The following TNKS variants were observed in gnomAD, a reference collection of about 807,000 sequenced individuals.
The protein encoded by TNKS is tankyrase, also known as poly [ADP-ribose] polymerase tankyrase-1.
Under a neutral mutation model 135.8 loss-of-function variants are expected in TNKS, and 72 were observed. That is an observed-to-expected ratio of 0.53 (90% CI 0.44 to 0.64). The LOEUF is 0.64. Ranked by LOEUF, TNKS falls within the 30% of genes least tolerant of loss-of-function variation. The probability of loss-of-function intolerance (pLI) is 0.00; values close to 1 mark genes in which losing one functional copy is unlikely to be tolerated. For synonymous variants in TNKS, 849 were observed against 649.3 expected, an observed-to-expected ratio of 1.31 and a Z score of -4.68; for missense variants, 1,769 against 1,674.0, an observed-to-expected ratio of 1.06 and a Z score of -0.99.
intron 11 of TNKS, among the ~76,000 whole-genome samples, chr8:9,718,486 C>A (rs1804717626): frequency 6.6e-6 from 1 of 152,134 alleles, no homozygotes; most frequent in Non-Finnish European, 1.5e-5. Context: ...TCTTTGTGGT[C>A]TGCTTGCCGG....
intron 2 of TNKS, among the ~76,000 whole-genome samples, chr8:9,602,346 G>A (rs1799048721): frequency 6.6e-6 from 1 of 152,162 alleles, no homozygotes; most frequent in Non-Finnish European, 1.5e-5. Context: ...AAGGGCCAAA[G>A]GACTGCACTG....
intron 19 of TNKS, 79 bp from the exon 20 acceptor site, chr8:9,752,465 T>TGATTTTC: frequency 2.0e-6 from 2 of 1,005,654 alleles, no homozygotes; most frequent in Non-Finnish European, 3.0e-6. Context: ...GTTGTCAGAG[T>TGATTTTC]CATGTCTAAA....
chr8:9,655,178 A>G (rs575227473), intron 3 of TNKS, among the ~76,000 whole-genome samples: 15 of 152,320 alleles, frequency 9.8e-5, no homozygotes, highest in African/African-American at 2.9e-4. Context: ...ACTGCAAGGC[A>G]GCAGCGAGGC....
chr8:9,764,902 T>C lies in TNKS; in HGVS notation c.3447+112T>C. ...CATATTTTCAAACTGTGAAAGATAA[T>C]TCGTCACCTGTCTGAAGTCAGATAG... is the stretch of plus-strand genomic sequence containing the variant. On this transcript the variant is annotated intron_variant, in intron 23 of 26. Transcript: ENST00000310430. 7 of 757,428 alleles carry C rather than the reference T, an allele frequency of 9.2e-6. No individual in the cohort carries two copies. The South Asian group carries it at 1.8e-4, about 19-fold the overall frequency. 46.9% of individuals were successfully genotyped at this position (757,428 alleles called of 1,614,324 possible).
chr8:9,772,831 C>CTG (rs71201974), intron 26 of TNKS, among the ~76,000 whole-genome samples: 63,231 of 118,282 alleles, frequency 0.53, 15,452 homozygotes, highest in Non-Finnish European at 0.61. Flanking sequence ...GTGTGTGTGT[C>CTG]TGTGTGTGTG....
intron 5 of TNKS, among the ~76,000 whole-genome samples, chr8:9,692,337 C>T (rs1585334632): frequency 6.6e-6 from 1 of 152,162 alleles, no homozygotes; most frequent in Non-Finnish European, 1.5e-5. Flanking sequence ...ATAATGGCTT[C>T]CAGCTGCATC....
intron 5 of TNKS, among the ~76,000 whole-genome samples, chr8:9,699,983 A>C (rs1730490739): frequency 6.6e-6 from 1 of 152,140 alleles, no homozygotes; most frequent in Non-Finnish European, 1.5e-5. Context: ...TTCTTCACAC[A>C]ACCTGGAATA....
chr8:9,603,113 C>T lies in TNKS; in HGVS notation c.899-12469C>T, dbSNP rs186026447. Among the ~76,000 whole-genome samples, 632 of 151,944 alleles carry T rather than the reference C, an allele frequency of 4.2e-3. 3 individuals are homozygous for T. The highest frequency in any genetic ancestry group is 0.017 in the Middle Eastern group (5 of 292). The stretch of plus-strand genomic sequence containing the variant: ...TATCGCCCAGGCTGGAGTACAGTGG[C>T]GCGATCTTGGCTCACTGCAACCTCC... On this transcript the variant is annotated intron_variant, in intron 2 of 26. Transcript: ENST00000310430.
intron 3 of TNKS, among the ~76,000 whole-genome samples, chr8:9,670,395 C>T (rs1802222458): frequency 6.6e-6 from 1 of 152,116 alleles, no homozygotes; most frequent in Non-Finnish European, 1.5e-5. Flanking sequence ...AACCATTCGC[C>T]TGTATGTAGA....
chr8:9,603,254 T>C (rs1055658696), intron 2 of TNKS, among the ~76,000 whole-genome samples: 1 of 152,122 alleles, frequency 6.6e-6, no homozygotes, highest in Non-Finnish European at 1.5e-5. Context: ...GTTTTCACCA[T>C]GTTGACCAGG....
chr8:9,645,627 G>A (rs918021826), intron 3 of TNKS, among the ~76,000 whole-genome samples: 1 of 152,084 alleles, frequency 6.6e-6, no homozygotes, highest in African/African-American at 2.4e-5. Flanking sequence ...CTTAATCTAG[G>A]TAGAGGGGAA....
intron 2 of TNKS, among the ~76,000 whole-genome samples, chr8:9,600,186 C>T (rs978101025): frequency 1.3e-5 from 2 of 152,146 alleles, no homozygotes; most frequent in Non-Finnish European, 2.9e-5. Flanking sequence ...GGTATTCTAG[C>T]CTGTGCAGTT....
chr8:9,735,334 C>T (rs1585394419), intron 16 of TNKS, 43 bp from the exon 17 acceptor site: 2 of 1,564,704 alleles, frequency 1.3e-6, no homozygotes, highest in South Asian at 1.1e-5. Context: ...ATTTTTTTTC[C>T]TTTAAGCTGA....
At position 9,580,191 on chromosome 8, in the gene TNKS, C is replaced by T. The variant is rs201885608; in HGVS notation, c.706C>T (p.Leu236=). 3.1e-6 allele frequency: 5 copies of T among 1,614,112 alleles called. No individual in the cohort carries two copies. The highest frequency in any genetic ancestry group is 1.6e-4 in the Middle Eastern group (1 of 6,062). ...AAGGAAGGATGTTGTAGAACACTTA[C>T]TACAGATGGGTGCTAATGTCCACGC... ...FGRKDVVEHL[L]QMGANVHARD... Residue 236 remains leucine, a synonymous_variant, in exon 2 of 27, where the codon CTA becomes TTA. Transcript: ENST00000310430.
intron 2 of TNKS, among the ~76,000 whole-genome samples, chr8:9,614,289 C>T (rs967766629): frequency 5.3e-5 from 8 of 152,190 alleles, no homozygotes; most frequent in Admixed American, 2.6e-4. Flanking sequence ...CAATAATGTT[C>T]ATTGTTTGCA....
chr8:9,702,101 C>T (rs1037539177), intron 5 of TNKS, among the ~76,000 whole-genome samples: 2 of 152,186 alleles, frequency 1.3e-5, no homozygotes, highest in African/African-American at 2.4e-5. Flanking sequence ...GCCCTGCCTA[C>T]CAAAGCCTAG....
chr8:9,681,073 A>G (rs981086006), intron 5 of TNKS: 6 of 287,948 alleles, frequency 2.1e-5, no homozygotes, highest in Non-Finnish European at 3.2e-5. Context: ...GATTAAAATT[A>G]CAGCATATGC....
At chr8:9,624,657 T>A (rs1443584958) in intron 3 of TNKS, among the ~76,000 whole-genome samples, 3 of 152,216 alleles carry the variant, frequency 2.0e-5, no homozygotes, top group African/African-American at 2.4e-5. Flanking sequence ...CTAGTTTTTT[T>A]AATTAGGGTA....
intron 12 of TNKS, among the ~76,000 whole-genome samples, chr8:9,721,694 T>G (rs1021511341): frequency 6.6e-6 from 1 of 152,154 alleles, no homozygotes; most frequent in Non-Finnish European, 1.5e-5. Context: ...TTATGACATT[T>G]CAGAAGTGAA....
Sources: gnomAD v4.1 joint callset for allele counts (sites outside exome capture counted in the v4.1 genomes callset) on GRCh38, gnomAD v4.1.1 for gene constraint, MANE v1.5 for transcripts, NCBI Gene and HGNC (gene_info 2026-07-23, HGNC 2026-07-21) for gene names.